COL6A5: variants seen among roughly 807,000 people sequenced by gnomAD.
COL6A5 encodes the protein collagen alpha-5(VI) chain.
COL6A5 carries 48 observed loss-of-function variants against 65.6 expected under a neutral mutation model. That is an observed-to-expected ratio of 0.73 (90% CI 0.58 to 0.93). COL6A5 has a LOEUF of 0.93. Ranked by LOEUF, COL6A5 falls within the 40% of genes least tolerant of loss-of-function variation. The probability of loss-of-function intolerance (pLI) is 0.00; values close to 1 mark genes in which losing one functional copy is unlikely to be tolerated. For missense variants in COL6A5, 914 were observed against 928.3 expected, an observed-to-expected ratio of 0.98 and a Z score of 0.20; for synonymous variants, 291 against 322.8, an observed-to-expected ratio of 0.90 and a Z score of 1.05.
Position 130,432,061 on chromosome 3 carries a change from C to G in COL6A5, c.487+112C>G, listed in dbSNP as rs1281122811. 9.0e-6 allele frequency: 10 copies of G among 1,107,346 alleles called. No homozygotes were observed. The Admixed American group carries it at 1.1e-4, about 12-fold the overall frequency. The allele number at this position is 1,107,346 out of a possible 1,614,324, so 68.6% of individuals were successfully genotyped here. On this transcript the variant is annotated intron_variant, in intron 1 of 7. Transcript: ENST00000512836. Reference sequence around the variant, plus strand: ...AAATATATGTGGCCTCTTGAAAACTCCTTTACAGTTTTCACAGCTATATTG... The same window carrying G: ...AAATATATGTGGCCTCTTGAAAACTGCTTTACAGTTTTCACAGCTATATTG...
intron 1 of COL6A5, among the ~76,000 whole-genome samples, chr3:130,437,341 A>G (rs1291471001): frequency 2.6e-5 from 4 of 152,086 alleles, no homozygotes; most frequent in Non-Finnish European, 5.9e-5. Flanking sequence ...TAAAAAATAT[A>G]TATCCAGAAT....
At chr3:130,367,734 A>G (rs1026672256) in intron 1 of COL6A5, among the ~76,000 whole-genome samples, 2 of 152,204 alleles carry the variant, frequency 1.3e-5, no homozygotes, top group African/African-American at 4.8e-5. Context: ...ATGCATACAT[A>G]TGTGTGGATA....
intron 29 of COL6A5, among the ~76,000 whole-genome samples, chr3:130,425,264 T>G (rs573436561): frequency 6.6e-6 from 1 of 152,136 alleles, no homozygotes; most frequent in Non-Finnish European, 1.5e-5. Flanking sequence ...ATAGGCCACA[T>G]AGACATTCAG....
intron 5 of COL6A5, among the ~76,000 whole-genome samples, chr3:130,461,326 C>A (rs1709696682): frequency 6.6e-6 from 1 of 152,090 alleles, no homozygotes; most frequent in South Asian, 2.1e-4. Context: ...TACACTGTAT[C>A]ACTTGACTGA....
At chr3:130,429,811 T>A (rs1396675963), upstream of COL6A5, among the ~76,000 whole-genome samples, 1 of 152,160 alleles carries the variant, frequency 6.6e-6, no homozygotes, top group African/African-American at 2.4e-5. Flanking sequence ...AGTTTACAAG[T>A]CAGTTTCTCC....
At chr3:130,483,984 T>C in intron 7 of COL6A5, 51 bp from the exon 41 acceptor site, 1 of 1,557,760 alleles carries the variant, frequency 6.4e-7, no homozygotes. Context: ...GAGGAACATT[T>C]TGAACAAATA....
In COL6A5 at chr3:130,376,679, G is replaced by A; in HGVS notation, c.510G>A (p.Gln170=). The A allele has an allele frequency of 2.5e-6, 4 of 1,613,606 alleles. No homozygotes were observed. In the South Asian group the frequency reaches 4.4e-5, roughly 18 times the overall value. Residue 170 remains glutamine, a synonymous_variant and NMD_transcript_variant, in exon 3 of 42, where the codon CAG becomes CAA. Coordinates refer to the COL6A5 transcript ENST00000312481. ...TGAAAATTATCTCCGTGGGGGTGCA[G>A]AAAGCTTCTGAGGAAAATCTGAAGG...
At chr3:130,429,146 C>T (rs1186388065), upstream of COL6A5, among the ~76,000 whole-genome samples, 2 of 152,154 alleles carry the variant, frequency 1.3e-5, no homozygotes, top group Non-Finnish European at 1.5e-5. Flanking sequence ...AAAATAAAGG[C>T]TCCCAAGATA....
chr3:130,446,195 T>G (rs1709299062), intron 4 of COL6A5, among the ~76,000 whole-genome samples: 1 of 152,160 alleles, frequency 6.6e-6, no homozygotes, highest in South Asian at 2.1e-4. Flanking sequence ...CTTCTCCTGG[T>G]TGAGCAGGGC....
At chr3:130,419,616 A>G (rs538116151) in intron 25 of COL6A5, among the ~76,000 whole-genome samples, 12 of 152,296 alleles carry the variant, frequency 7.9e-5, no homozygotes, top group African/African-American at 2.9e-4. Flanking sequence ...ATTTGTGACA[A>G]CATGGATGGA....
At chr3:130,471,901 G>A (rs1438412853) in intron 7 of COL6A5, 3 of 1,534,756 alleles carry the variant, frequency 2.0e-6, no homozygotes, top group Non-Finnish European at 2.6e-6. Context: ...CAGCTCTAGT[G>A]GTTGATAAAC....
intron 1 of COL6A5, among the ~76,000 whole-genome samples, chr3:130,366,696 T>C (rs1935353783): frequency 6.6e-6 from 1 of 152,260 alleles, no homozygotes; most frequent in Non-Finnish European, 1.5e-5. Flanking sequence ...TGAAGTGCTG[T>C]ATTTTATTCT....
chr3:130,405,438 G>C (rs1936952806), intron 13 of COL6A5, 150 bp from the exon 14 acceptor site: 1 of 581,432 alleles, frequency 1.7e-6, no homozygotes. Flanking sequence ...AAATGAGTGA[G>C]GATTCACTTT....
Position 130,347,801 on chromosome 3 carries a change from C to A in COL6A5, c.-29+1820C>A, listed in dbSNP as rs1577412849. 2.6e-5 allele frequency among the ~76,000 whole-genome samples: 4 copies of A among 152,286 alleles called. No individual in the cohort carries two copies. In the East Asian group the frequency reaches 7.7e-4, roughly 29 times the overall value. ...GTACTTTTCTTGGTATTGCAGTTTG[C>A]TTTGATGATGCCCCTGTCAATCTTG... On this transcript the variant is annotated intron_variant and NMD_transcript_variant, in intron 1 of 41. Coordinates refer to the COL6A5 transcript ENST00000312481.
chr3:130,451,831 C>T (rs1043492408), intron 4 of COL6A5, among the ~76,000 whole-genome samples: 3 of 152,102 alleles, frequency 2.0e-5, no homozygotes, highest in East Asian at 3.9e-4. Context: ...GGTGGAGGAT[C>T]GTCAGATTCA....
intron 1 of COL6A5, among the ~76,000 whole-genome samples, chr3:130,437,787 C>A (rs1342496280): frequency 6.6e-6 from 1 of 152,118 alleles, no homozygotes; most frequent in East Asian, 1.9e-4. Context: ...TCCATCTTCC[C>A]TCTTCTTTGA....
chr3:130,479,586 C>T (rs1317969733), intron 7 of COL6A5, among the ~76,000 whole-genome samples: 1 of 152,122 alleles, frequency 6.6e-6, no homozygotes, highest in Admixed American at 6.6e-5. Flanking sequence ...TGAGATTAGA[C>T]TCTTTCAAAG....
chr3:130,413,375 C>T (rs1937236885), intron 20 of COL6A5, among the ~76,000 whole-genome samples, 170 bp from the exon 21 acceptor site: 1 of 151,840 alleles, frequency 6.6e-6, no homozygotes, highest in African/African-American at 2.4e-5. Flanking sequence ...ATGTTAGTCT[C>T]TAATTAAGTG....
chr3:130,408,607 C>T (rs1812696), intron 17 of COL6A5, among the ~76,000 whole-genome samples: 105,410 of 151,902 alleles, frequency 0.69, 39,656 homozygotes, highest in Non-Finnish European at 0.86. Context: ...TCTCTGTGAC[C>T]CACTCCCTAT....
Sources: gnomAD v4.1 joint callset for allele counts (sites outside exome capture counted in the v4.1 genomes callset) on GRCh38, gnomAD v4.1.1 for gene constraint, MANE v1.5 for transcripts, NCBI Gene and HGNC (gene_info 2026-07-23, HGNC 2026-07-21) for gene names.